Variants in ACAA1 observed in about 807,000 individuals in gnomAD.
The protein encoded by ACAA1 is 3-ketoacyl-CoA thiolase, peroxisomal.
A neutral mutation model predicts 48.8 loss-of-function variants in ACAA1; 44 were observed. The observed-to-expected ratio is 0.90, with a 90% CI of 0.71 to 1.16. The LOEUF is 1.16. Ranked by LOEUF, ACAA1 falls within the 50% of genes most tolerant of loss-of-function variation. ACAA1 has a pLI of 0.00. For synonymous variants in ACAA1, 233 were observed against 226.5 expected (o/e 1.03, Z -0.26); for missense variants, 512 against 562.3 (o/e 0.91, Z 0.90).
In ACAA1 at chr3:38,129,359, C is replaced by T; in HGVS notation, c.476G>A (p.Gly159Glu). Residue 159 changes from glycine to glutamate, a missense_variant, in exon 6 of 12, where the codon GGG (glycine) becomes GAG (glutamate). Coordinates refer to ENST00000333167, the MANE Select transcript of ACAA1 (RefSeq NM_001607.4). The surrounding 1 kb of genome is among the most constrained non-coding windows in gnomAD (Gnocchi z 5.3). ...GVESMSLADRGNPGNITSRLM... is the reference protein window; with the variant it reads ...GVESMSLADRENPGNITSRLM... ...GCGCGAAGTAATATTTCCAGGGTTC[C>T]CTCTGTCAGCCAGGGACATGGACTC... 2 of 1,614,134 alleles carry T rather than the reference C, an allele frequency of 1.2e-6. No individual in the cohort carries two copies. The highest frequency in any genetic ancestry group is 1.7e-6 in the Non-Finnish European group (2 of 1,180,014).
intron 1 of ACAA1, 34 bp downstream of exon 1, chr3:38,136,831 T>C (rs1293541180): frequency 6.7e-7 from 1 of 1,495,062 alleles, no homozygotes; most frequent in Non-Finnish European, 8.8e-7. Context: ...GCCGGCGTCT[T>C]CCCACACTCG....
At chr3:38,132,802 C>G (rs766396643) in intron 3 of ACAA1, among the ~76,000 whole-genome samples, 3 of 152,176 alleles carry the variant, frequency 2.0e-5, no homozygotes, top group Admixed American at 6.5e-5. Context: ...TGCAGAGACT[C>G]TCTCAGGGGG....
At chr3:38,131,493 G>C (rs896603448) in intron 5 of ACAA1, 103 bp downstream of exon 5, 27 of 1,266,628 alleles carry the variant, frequency 2.1e-5, no homozygotes, top group Non-Finnish European at 3.1e-5. Context: ...CTGCCTAAAG[G>C]GGATGGGGGG....
At chr3:38,136,476 A>C (rs1350574231) in intron 2 of ACAA1, 116 bp downstream of exon 2, 1 of 1,101,098 alleles carries the variant, frequency 9.1e-7, no homozygotes, top group East Asian at 2.5e-5. Context: ...GACCCCTTCA[A>C]AGGTCAAGGC....
chr3:38,126,300 GCA>G lies in ACAA1; in HGVS notation c.857_858del (p.Leu286ProfsTer29). 6.2e-7 allele frequency: 1 copy of G among 1,614,144 alleles called. No homozygotes were observed. Among genetic ancestry groups the G allele is most frequent in the Admixed American group, 1.7e-5 (1 of 60,026 alleles). On this transcript the variant is annotated frameshift_variant, in exon 9 of 12. Transcript: ENST00000333167. LOFTEE classifies it high-confidence loss of function. This position sits in a 1 kb window ranked among gnomAD's most constrained non-coding sequence, Gnocchi z 4.7. ...SQVSDGAAAI[L>X]LARRSKAEEL... The stretch of plus-strand genomic sequence containing the variant: ...TCTTCTGCCTTGGACCTCCGGGCCA[GCA>G]GGATGGCAGCTGCCCCATCACTCAC...
intron 2 of ACAA1, chr3:38,134,549 T>A (rs1700850169): frequency 4.4e-6 from 2 of 455,306 alleles, no homozygotes; most frequent in African/African-American, 4.0e-5. Context: ...AACTCCATGT[T>A]GATCTGTACA....
At position 38,129,118 on chromosome 3, in the gene ACAA1, T is replaced by C. The variant is rs1700736746; in HGVS notation, c.545+172A>G. On this transcript the variant is annotated intron_variant, in intron 6 of 11. Transcript: ENST00000333167. The surrounding 1 kb of genome is among the most constrained non-coding windows in gnomAD (Gnocchi z 5.3). ...GAGAGGACCTGGGGCCTTCAGGAAA[T>C]GGAAGTCAAGGGCAACATCAAGTCT... is the stretch of plus-strand genomic sequence containing the variant. Among the ~76,000 whole-genome samples the C allele has an allele frequency of 6.6e-6, 1 of 151,958 alleles. No individual in the cohort carries two copies. The highest frequency in any genetic ancestry group is 2.4e-5 in the African/African-American group (1 of 41,346).
intron 5 of ACAA1, among the ~76,000 whole-genome samples, chr3:38,131,373 A>G (rs1700784627): frequency 6.6e-6 from 1 of 152,208 alleles, no homozygotes. Context: ...GTAAGCTTTT[A>G]GAGGCCAATT....
chr3:38,132,014 G>A lies in ACAA1; in HGVS notation c.324-9C>T, dbSNP rs1206638696. 1 of 1,611,268 alleles carries A rather than the reference G, an allele frequency of 6.2e-7. No individual in the cohort carries two copies. The highest frequency in any genetic ancestry group is 8.5e-7 in the Non-Finnish European group (1 of 1,177,724). On this transcript the variant is annotated splice_polypyrimidine_tract_variant and intron_variant, in intron 3 of 11. Transcript: ENST00000333167. ...CAGTCTCCGGGATGTCACTGAAACA[G>A]AAGGTGAGAAAGTAGAATCAGCCCC...
chr3:38,125,886 A>G lies in ACAA1; in HGVS notation c.998-5T>C. 1 of 1,614,188 alleles carries G rather than the reference A, an allele frequency of 6.2e-7. No homozygotes were observed. The highest frequency in any genetic ancestry group is 8.5e-7 in the Non-Finnish European group (1 of 1,180,030). On this transcript the variant is annotated splice_region_variant and splice_polypyrimidine_tract_variant and intron_variant, in intron 9 of 11. Transcript: ENST00000333167. ...CCACGTCACTCACTGTCAGCCCTGC[A>G]GACAAGGTAAAGACCTGAGCTGACA...
intron 4 of ACAA1, 67 bp downstream of exon 4, chr3:38,131,859 A>T: frequency 6.8e-7 from 1 of 1,468,544 alleles, no homozygotes; most frequent in Non-Finnish European, 9.5e-7. Context: ...CTTGCCCGGC[A>T]GACAGCGACT....
intron 3 of ACAA1, 132 bp from the exon 4 acceptor site, chr3:38,132,137 T>C (rs2125769550): frequency 1.4e-6 from 1 of 717,670 alleles, no homozygotes; most frequent in Non-Finnish European, 2.3e-6. Flanking sequence ...GCAGCTCTGC[T>C]CCCATGCCAG....
At chr3:38,131,692 A>T in intron 4 of ACAA1, 54 bp from the exon 5 acceptor site, 2 of 1,589,854 alleles carry the variant, frequency 1.3e-6, no homozygotes, top group South Asian at 2.2e-5. Flanking sequence ...CTGTTCTGGA[A>T]GCAGTGGAGC....
chr3:38,133,218 T>C (rs1700821928), intron 3 of ACAA1, among the ~76,000 whole-genome samples: 1 of 152,030 alleles, frequency 6.6e-6, no homozygotes, highest in Non-Finnish European at 1.5e-5. Context: ...AGAATGACCA[T>C]ATCAGGGAAG....
rs182605148 is a variant in ACAA1, at chr3:38,129,283, C to T, written c.545+7G>A. 2.8e-5 allele frequency: 45 copies of T among 1,608,520 alleles called. No homozygotes were observed. The African/African-American group carries it at 5.5e-4, about 20-fold the overall frequency. ...GCACAAGCACACAGAGCTATGGGAG[C>T]ACTCACCCCATAGGAATCAGGCAAT... On this transcript the variant is annotated splice_region_variant and intron_variant, in intron 6 of 11. Transcript: ENST00000333167. The surrounding 1 kb of genome is among the most constrained non-coding windows in gnomAD (Gnocchi z 5.3).
intron 7 of ACAA1, chr3:38,127,510 A>G: frequency 4.0e-6 from 2 of 501,042 alleles, no homozygotes; most frequent in Non-Finnish European, 7.3e-6. Flanking sequence ...TACAATGTCC[A>G]GTCCCCAAAC....
chr3:38,126,106 A>ACAT lies in ACAA1; in HGVS notation c.997+55_997+56insATG. On this transcript the variant is annotated intron_variant, in intron 9 of 11. Transcript: ENST00000333167. The surrounding 1 kb of genome is among the most constrained non-coding windows in gnomAD (Gnocchi z 4.7). ...CCTCATGCCCCTGGCAACAGCATGC[A>ACAT]GGGCAGCTGCAGGATCCAGGTGGGA... 6.3e-7 allele frequency: 1 copy of ACAT among 1,574,954 alleles called. No individual in the cohort carries two copies. Among genetic ancestry groups the ACAT allele is most frequent in the Admixed American group, 1.7e-5 (1 of 57,742 alleles).
chr3:38,136,473 T>A (rs1700894635), intron 2 of ACAA1, 119 bp downstream of exon 2: 18 of 1,074,122 alleles, frequency 1.7e-5, no homozygotes, highest in Non-Finnish European at 2.4e-5. Flanking sequence ...CAGGACCCCT[T>A]CAAAGGTCAA....
rs1700753847 is a variant in ACAA1, at chr3:38,129,982, G to C, written c.447-594C>G. 6.6e-6 allele frequency among the ~76,000 whole-genome samples: 1 copy of C among 152,246 alleles called. No individual in the cohort carries two copies. ...GTAAACCCAGGAGGCGGAACTTGCA[G>C]TGAGATGAGATCGTGTCACTGCACT... is the stretch of plus-strand genomic sequence containing the variant. On this transcript the variant is annotated intron_variant, in intron 5 of 11. Transcript: ENST00000333167. This position sits in a 1 kb window ranked among gnomAD's most constrained non-coding sequence, Gnocchi z 5.3.
Sources: gnomAD v4.1 joint callset for allele counts (sites outside exome capture counted in the v4.1 genomes callset) on GRCh38, gnomAD v4.1.1 for gene constraint, Gnocchi (gnomAD v3.1) non-coding constraint, MANE v1.5 for transcripts, NCBI Gene and HGNC (gene_info 2026-07-23, HGNC 2026-07-21) for gene names.